Variants in PIP4K2A observed in about 807,000 individuals in gnomAD.
PIP4K2A encodes phosphatidylinositol 5-phosphate 4-kinase type-2 alpha.
Under a neutral mutation model 42.9 loss-of-function variants are expected in PIP4K2A, and 14 were observed. That is an observed-to-expected ratio of 0.33 (90% CI 0.22 to 0.51). The LOEUF is 0.51. Among genes scored for constraint, PIP4K2A ranks in the 20% least tolerant of loss-of-function variants. PIP4K2A has a pLI of 0.97. For missense variants in PIP4K2A, 434 were observed against 519.8 expected (o/e 0.83, Z 1.61); for synonymous variants, 192 against 192.2 (o/e 1.00, Z 0.01).
At chr10:22,662,467 T>C (rs181530820) in intron 1 of PIP4K2A, among the ~76,000 whole-genome samples, 28 of 152,330 alleles carry the variant, frequency 1.8e-4, no homozygotes, top group African/African-American at 3.8e-4. Context: ...ACCTCTAAAT[T>C]TGATATTTGT....
intron 4 of PIP4K2A, among the ~76,000 whole-genome samples, chr10:22,582,735 G>A (rs74628937): frequency 0.012 from 1,791 of 152,042 alleles, 43 homozygotes; most frequent in African/African-American, 0.041. Flanking sequence ...GAAAGGAAGG[G>A]AAGAAAGAAG....
At chr10:22,601,958 C>T (rs1021045767) in intron 3 of PIP4K2A, among the ~76,000 whole-genome samples, 1 of 152,182 alleles carries the variant, frequency 6.6e-6, no homozygotes. Context: ...TGTGGGTTTA[C>T]TTCTCTCAAT....
intron 4 of PIP4K2A, among the ~76,000 whole-genome samples, chr10:22,589,778 C>T (rs1837472148): frequency 6.6e-6 from 1 of 152,218 alleles, no homozygotes; most frequent in African/African-American, 2.4e-5. Context: ...ATTGTTTATA[C>T]TCGAGAATCC....
intron 5 of PIP4K2A, among the ~76,000 whole-genome samples, chr10:22,569,686 T>G (rs1836936919): frequency 6.6e-6 from 1 of 151,948 alleles, no homozygotes; most frequent in South Asian, 2.1e-4. Context: ...TGTGTCTGTG[T>G]GTGTGTTTCC....
chr10:22,669,868 G>A (rs1839417034), intron 1 of PIP4K2A, among the ~76,000 whole-genome samples: 2 of 152,160 alleles, frequency 1.3e-5, no homozygotes, highest in Admixed American at 1.3e-4. Context: ...GAATGACTAT[G>A]ACCTGTTAGT....
At chr10:22,665,358 T>C (rs1362391153) in intron 1 of PIP4K2A, among the ~76,000 whole-genome samples, 1 of 152,242 alleles carries the variant, frequency 6.6e-6, no homozygotes, top group Non-Finnish European at 1.5e-5. Flanking sequence ...ACAACTGGTC[T>C]AGCTCACTTT....
intron 1 of PIP4K2A, among the ~76,000 whole-genome samples, chr10:22,657,731 T>A (rs950221963): frequency 6.6e-6 from 1 of 152,242 alleles, no homozygotes; most frequent in Non-Finnish European, 1.5e-5. Context: ...CTTATCCATG[T>A]GACTACTTGA....
intron 5 of PIP4K2A, among the ~76,000 whole-genome samples, chr10:22,568,667 C>T (rs184358197): frequency 2.0e-4 from 31 of 152,210 alleles, no homozygotes; most frequent in Admixed American, 5.2e-4. Context: ...CCTGAGTCTA[C>T]CTCGGAGGCC....
intron 3 of PIP4K2A, among the ~76,000 whole-genome samples, chr10:22,603,149 G>C (rs957716131): frequency 3.9e-5 from 6 of 152,120 alleles, no homozygotes; most frequent in Admixed American, 3.9e-4. Context: ...TTTAAAATTA[G>C]AATTCTCTGT....
intron 1 of PIP4K2A, among the ~76,000 whole-genome samples, chr10:22,712,360 T>C (rs1833925112): frequency 6.6e-6 from 1 of 152,186 alleles, no homozygotes; most frequent in African/African-American, 2.4e-5. Flanking sequence ...ACACTCTTTT[T>C]CGGCAGCATA....
intron 4 of PIP4K2A, among the ~76,000 whole-genome samples, chr10:22,585,581 G>A (rs542430327): frequency 4.6e-5 from 7 of 151,864 alleles, no homozygotes; most frequent in Non-Finnish European, 8.8e-5. Context: ...ACAACTTCAG[G>A]GAAGTATGTT....
At chr10:22,625,159 A>C (rs1838410984) in intron 1 of PIP4K2A, among the ~76,000 whole-genome samples, 1 of 152,236 alleles carries the variant, frequency 6.6e-6, no homozygotes, top group Non-Finnish European at 1.5e-5. Flanking sequence ...TTGTATTTAC[A>C]AATCTTTGTG....
At chr10:22,681,819 A>G (rs1839668416) in intron 1 of PIP4K2A, among the ~76,000 whole-genome samples, 3 of 152,234 alleles carry the variant, frequency 2.0e-5, no homozygotes, top group Admixed American at 6.5e-5. Flanking sequence ...TAGACAGTAA[A>G]TAATTCTAGG....
intron 6 of PIP4K2A, among the ~76,000 whole-genome samples, chr10:22,565,307 C>A (rs1836819537): frequency 6.6e-6 from 1 of 152,214 alleles, no homozygotes; most frequent in Non-Finnish European, 1.5e-5. Context: ...AAGTCAGGGA[C>A]CCCAAACGGA....
intron 1 of PIP4K2A, among the ~76,000 whole-genome samples, chr10:22,683,239 T>C (rs35360085): frequency 0.4 from 60,241 of 152,038 alleles, 13,345 homozygotes; most frequent in African/African-American, 0.59. Context: ...TCAACTCTTA[T>C]GAGTTCTGCT....
At chr10:22,697,577 T>C (rs1200390157) in intron 1 of PIP4K2A, among the ~76,000 whole-genome samples, 1 of 152,060 alleles carries the variant, frequency 6.6e-6, no homozygotes, top group Non-Finnish European at 1.5e-5. Context: ...TTTTAAAAAT[T>C]AGCGGGGTAT....
Position 22,691,280 on chromosome 10 carries a change from T to G in PIP4K2A, c.144+22903A>C, listed in dbSNP as rs569833479. 2.0e-5 allele frequency among the ~76,000 whole-genome samples: 3 copies of G among 152,256 alleles called. No individual in the cohort carries two copies. In the South Asian group the frequency reaches 6.2e-4, roughly 32 times the overall value. Reference sequence around the variant, plus strand: ...TCATCCTACCTCCTGGGAACCTGCATTATCTTCCAGCTCTGTAGTTAAAAG... The same window carrying G: ...TCATCCTACCTCCTGGGAACCTGCAGTATCTTCCAGCTCTGTAGTTAAAAG... On this transcript the variant is annotated intron_variant, in intron 1 of 9. Transcript: ENST00000376573.
At chr10:22,709,834 T>C (rs1398226616) in intron 1 of PIP4K2A, among the ~76,000 whole-genome samples, 2 of 152,180 alleles carry the variant, frequency 1.3e-5, no homozygotes, top group African/African-American at 2.4e-5. Flanking sequence ...GCTTGGTATG[T>C]TTCTTTCCTC....
rs1035498846 is a variant in PIP4K2A at position 22,704,294 on chromosome 10, C to CA, written c.144+9888dup. Among the ~76,000 whole-genome samples, 860 of 149,868 alleles carry CA rather than the reference C, an allele frequency of 5.7e-3. 11 individuals are homozygous for CA. Among genetic ancestry groups the CA allele is most frequent in the African/African-American group, 0.02 (810 of 40,926 alleles). On this transcript the variant is annotated intron_variant, in intron 1 of 9. Coordinates refer to ENST00000376573, the MANE Select transcript of PIP4K2A (RefSeq NM_005028.5). Reference sequence around the variant, plus strand: ...AGTGAAGCAGAAGGAAAACAAGAGACAAAAAAAAAGGAGCCCCCTGCATTT... The same window carrying CA: ...AGTGAAGCAGAAGGAAAACAAGAGACAAAAAAAAAAGGAGCCCCCTGCATTT...
Sources: allele counts gnomAD v4.1 joint callset (sites outside exome capture counted in the v4.1 genomes callset), GRCh38; gene constraint gnomAD v4.1.1; transcripts MANE v1.5; gene names NCBI Gene and HGNC (gene_info 2026-07-23, HGNC 2026-07-21).